The following RYR3 variants were observed in gnomAD, a reference collection of about 807,000 sequenced individuals.
RYR3 encodes ryanodine receptor 3.
In RYR3, 207 loss-of-function variants were observed where a neutral mutation model predicts 584.3. That is an observed-to-expected ratio of 0.35 (90% CI 0.32 to 0.40). The LOEUF is 0.40. Ranked by LOEUF, RYR3 falls within the 10% of genes least tolerant of loss-of-function variation. The probability of loss-of-function intolerance (pLI) is 1.00; values close to 1 mark genes in which losing one functional copy is unlikely to be tolerated. For missense variants in RYR3, 5,616 were observed against 6,089.2 expected (o/e 0.92, Z 2.59); for synonymous variants, 2,416 against 2,248.5 (o/e 1.07, Z -2.11).
chr15:33,560,220 A>C (rs1171772016), intron 10 of RYR3, among the ~76,000 whole-genome samples: 1 of 152,090 alleles, frequency 6.6e-6, no homozygotes, highest in Non-Finnish European at 1.5e-5. Context: ...TCCTTTACTG[A>C]TTCATCATTA....
intron 3 of RYR3, among the ~76,000 whole-genome samples, 168 bp downstream of exon 3, chr15:33,503,906 C>T (rs181719775): frequency 6.6e-6 from 1 of 152,212 alleles, no homozygotes; most frequent in Admixed American, 6.5e-5. Flanking sequence ...ATTCAGCAAC[C>T]CTACTTCTGC....
intron 13 of RYR3, 121 bp downstream of exon 13, chr15:33,580,265 G>A (rs966403095): frequency 2.4e-6 from 2 of 835,832 alleles, no homozygotes; most frequent in African/African-American, 1.7e-5. Flanking sequence ...GAGGACAAGA[G>A]AGATTTGGAA....
chr15:33,844,760 A>T, intron 92 of RYR3, 102 bp from the exon 93 acceptor site: 1 of 999,106 alleles, frequency 1.0e-6, no homozygotes, highest in Non-Finnish European at 1.5e-6. Flanking sequence ...TTGAGTCACT[A>T]CTATTTGTAT....
intron 10 of RYR3, among the ~76,000 whole-genome samples, chr15:33,557,412 G>A (rs2057137401): frequency 6.6e-6 from 1 of 152,136 alleles, no homozygotes; most frequent in African/African-American, 2.4e-5. Context: ...TTGAGACGGA[G>A]TCTCGCTCAA....
intron 62 of RYR3, among the ~76,000 whole-genome samples, chr15:33,771,302 A>G (rs1423289926): frequency 6.6e-6 from 1 of 152,152 alleles, no homozygotes; most frequent in Non-Finnish European, 1.5e-5. Context: ...TTGGGAGGCC[A>G]AGGCGGGCGG....
chr15:33,393,489 C>T (rs548512165), intron 1 of RYR3, among the ~76,000 whole-genome samples: 1 of 152,144 alleles, frequency 6.6e-6, no homozygotes, highest in African/African-American at 2.4e-5. Flanking sequence ...GAGAAAGACT[C>T]ATATTAAAAA....
At chr15:33,722,370 A>T in intron 43 of RYR3, 1 of 272,966 alleles carries the variant, frequency 3.7e-6, no homozygotes. Flanking sequence ...TCCTGAGCCG[A>T]AGAGTAAAAA....
At chr15:33,801,204 A>G (rs564651109) in intron 68 of RYR3, among the ~76,000 whole-genome samples, 36 of 152,188 alleles carry the variant, frequency 2.4e-4, no homozygotes, top group Admixed American at 8.5e-4. Flanking sequence ...TTTCTGACTG[A>G]CAGTTGTCAA....
intron 43 of RYR3, among the ~76,000 whole-genome samples, chr15:33,709,723 T>C (rs4779637): frequency 0.081 from 12,269 of 152,230 alleles, 1,064 homozygotes; most frequent in African/African-American, 0.22. Context: ...GCCTCCAGAA[T>C]CATGAGCCAA....
At chr15:33,470,742 A>G (rs747291843) in intron 1 of RYR3, among the ~76,000 whole-genome samples, 16 of 152,206 alleles carry the variant, frequency 1.1e-4, no homozygotes, top group Non-Finnish European at 1.8e-4. Context: ...CGTGGGTAGA[A>G]CAGTAAGGTC....
At chr15:33,758,409 C>T (rs1352325488) in intron 60 of RYR3, among the ~76,000 whole-genome samples, 1 of 152,160 alleles carries the variant, frequency 6.6e-6, no homozygotes, top group African/African-American at 2.4e-5. Context: ...ATTCTTGCTG[C>T]CAGCCCAACG....
At chr15:33,694,234 A>G (rs1204070616) in intron 38 of RYR3, among the ~76,000 whole-genome samples, 1 of 150,818 alleles carries the variant, frequency 6.6e-6, no homozygotes, top group Non-Finnish European at 1.5e-5. Context: ...GTACAAATCT[A>G]TTATTACTAG....
intron 49 of RYR3, among the ~76,000 whole-genome samples, chr15:33,736,770 A>C (rs7161952): frequency 1.5e-5 from 2 of 131,858 alleles, no homozygotes; most frequent in Non-Finnish European, 3.4e-5. Context: ...TTTAAATGAG[A>C]TGGAGTCTTG....
intron 27 of RYR3, among the ~76,000 whole-genome samples, chr15:33,641,411 AT>A (rs1304605727): frequency 6.6e-6 from 1 of 152,186 alleles, no homozygotes; most frequent in African/African-American, 2.4e-5. Context: ...AATATTTGCT[AT>A]TGTGGTTTAT....
intron 86 of RYR3, among the ~76,000 whole-genome samples, chr15:33,833,241 T>G (rs2077813998): frequency 6.6e-6 from 1 of 152,240 alleles, no homozygotes; most frequent in African/African-American, 2.4e-5. Flanking sequence ...ACACCTTCAT[T>G]TCTTTCCCAA....
At chr15:33,516,710 A>C (rs551767858) in intron 3 of RYR3, among the ~76,000 whole-genome samples, 12 of 152,092 alleles carry the variant, frequency 7.9e-5, no homozygotes, top group Non-Finnish European at 1.3e-4. Flanking sequence ...TTTCTTACAA[A>C]TCTCAGTGGG....
At chr15:33,567,792 A>T (rs1055430923) in intron 12 of RYR3, among the ~76,000 whole-genome samples, 2 of 152,200 alleles carry the variant, frequency 1.3e-5, no homozygotes, top group African/African-American at 4.8e-5. Context: ...TGAATCAGAT[A>T]CCCTCAGAAT....
intron 42 of RYR3, among the ~76,000 whole-genome samples, chr15:33,703,087 G>C (rs977469030): frequency 2.0e-5 from 3 of 152,096 alleles, no homozygotes; most frequent in South Asian, 4.2e-4. Flanking sequence ...CCTTGGCAGA[G>C]AATCATTGGC....
At chr15:33,663,407 G>A (rs1322331387) in intron 35 of RYR3, 130 bp from the exon 36 acceptor site, 10 of 740,106 alleles carry the variant, frequency 1.4e-5, no homozygotes, top group Middle Eastern at 3.8e-4. Flanking sequence ...GAAGATTTGA[G>A]TAACAGCTTT....
Sources: allele counts gnomAD v4.1 joint callset (sites outside exome capture counted in the v4.1 genomes callset), GRCh38; gene constraint gnomAD v4.1.1; transcripts MANE v1.5; gene names NCBI Gene and HGNC (gene_info 2026-07-23, HGNC 2026-07-21).